The following SCMH1 variants were observed in gnomAD, a reference collection of about 807,000 sequenced individuals.
SCMH1 encodes Scm polycomb group protein homolog 1, also known as polycomb protein SCMH1.
A neutral mutation model predicts 70.8 loss-of-function variants in SCMH1; 37 were observed. The observed-to-expected ratio is 0.52, with a 90% CI of 0.40 to 0.69. The LOEUF (loss-of-function observed/expected upper bound fraction) is 0.69. SCMH1 is among the 30% of genes least tolerant of loss of function. SCMH1 has a pLI of 0.00. For missense variants in SCMH1, 607 were observed against 827.3 expected (o/e 0.73, Z 3.27); for synonymous variants, 292 against 307.4 (o/e 0.95, Z 0.52).
chr1:41,127,862 C>A (rs1673619952), intron 6 of SCMH1, among the ~76,000 whole-genome samples: 1 of 152,042 alleles, frequency 6.6e-6, no homozygotes, highest in Non-Finnish European at 1.5e-5. Flanking sequence ...TGTCTGCAAG[C>A]AAGAAGAGGA....
intron 8 of SCMH1, among the ~76,000 whole-genome samples, chr1:41,085,769 G>A (rs2749419): frequency 0.85 from 128,480 of 151,108 alleles, 55,095 homozygotes; most frequent in East Asian, 0.96. Context: ...TCTTATATTG[G>A]TTACATATTG....
At chr1:41,218,504 C>T (rs1265072494) in intron 1 of SCMH1, among the ~76,000 whole-genome samples, 1 of 152,028 alleles carries the variant, frequency 6.6e-6, no homozygotes, top group Non-Finnish European at 1.5e-5. Flanking sequence ...TAGGAAAAGG[C>T]AAGAAAAGAT....
chr1:41,082,063 G>A (rs1007618283), intron 8 of SCMH1, among the ~76,000 whole-genome samples: 1 of 152,070 alleles, frequency 6.6e-6, no homozygotes, highest in Non-Finnish European at 1.5e-5. Flanking sequence ...TTAATGTGAA[G>A]GCTAAAACAT....
At chr1:41,127,028 C>T (rs1673356201) in intron 6 of SCMH1, among the ~76,000 whole-genome samples, 1 of 152,092 alleles carries the variant, frequency 6.6e-6, no homozygotes, top group African/African-American at 2.4e-5. Context: ...CACAGCCTTG[C>T]TGTCTCCTCA....
At chr1:41,050,316 C>T (rs974565951) in intron 10 of SCMH1, among the ~76,000 whole-genome samples, 2 of 152,146 alleles carry the variant, frequency 1.3e-5, no homozygotes, top group Non-Finnish European at 2.9e-5. Context: ...TTGTGGCTCA[C>T]TAGCTGAAGG....
intron 13 of SCMH1, among the ~76,000 whole-genome samples, chr1:41,029,254 A>C (rs1212969245): frequency 2.6e-5 from 4 of 152,208 alleles, no homozygotes; most frequent in Non-Finnish European, 5.9e-5. Context: ...TCTGTCACCC[A>C]GGGGCTGGAG....
intron 2 of SCMH1, among the ~76,000 whole-genome samples, chr1:41,182,490 G>A (rs987175065): frequency 6.6e-6 from 1 of 152,208 alleles, no homozygotes; most frequent in Non-Finnish European, 1.5e-5. Context: ...GCCAAGGCAG[G>A]AAGATTCATT....
At chr1:41,149,186 C>T (rs1190499271) in intron 5 of SCMH1, among the ~76,000 whole-genome samples, 1 of 152,144 alleles carries the variant, frequency 6.6e-6, no homozygotes, top group Admixed American at 6.5e-5. Context: ...AATTACACGT[C>T]TATTTGGTCA....
chr1:41,239,856 G>C (rs148241666), intron 1 of SCMH1, among the ~76,000 whole-genome samples: 2 of 152,282 alleles, frequency 1.3e-5, no homozygotes, highest in African/African-American at 4.8e-5. Flanking sequence ...GGCTGGTCCA[G>C]AACTCCTGGC....
At chr1:41,153,169 C>T (rs1376835416) in intron 4 of SCMH1, among the ~76,000 whole-genome samples, 1 of 152,088 alleles carries the variant, frequency 6.6e-6, no homozygotes, top group Admixed American at 6.5e-5. Context: ...TTTGGATTTC[C>T]CTGGATTGAG....
intron 1 of SCMH1, among the ~76,000 whole-genome samples, chr1:41,189,147 T>C (rs1296553376): frequency 2.6e-5 from 4 of 152,172 alleles, no homozygotes; most frequent in African/African-American, 9.7e-5. Context: ...TTTTTTTTGT[T>C]GTTGTTGTTA....
intron 2 of SCMH1, among the ~76,000 whole-genome samples, chr1:41,173,494 A>T (rs1229996161): frequency 6.6e-6 from 1 of 152,094 alleles, no homozygotes; most frequent in Non-Finnish European, 1.5e-5. Flanking sequence ...AGAAAGGAGA[A>T]CTCTTATTCA....
intron 7 of SCMH1, among the ~76,000 whole-genome samples, chr1:41,115,172 T>C (rs369423650): frequency 3.9e-5 from 6 of 152,368 alleles, no homozygotes; most frequent in South Asian, 2.1e-4. Context: ...TTTTTAAAAA[T>C]TGACCAACTT....
chr1:41,192,684 G>C (rs2148673143), intron 1 of SCMH1, among the ~76,000 whole-genome samples: 1 of 152,216 alleles, frequency 6.6e-6, no homozygotes, highest in Non-Finnish European at 1.5e-5. Flanking sequence ...TTAGATTTGT[G>C]TTCCCTCTTT....
intron 1 of SCMH1, among the ~76,000 whole-genome samples, chr1:41,229,740 TAA>T (rs900990472): frequency 6.7e-6 from 1 of 149,272 alleles, no homozygotes; most frequent in Non-Finnish European, 1.5e-5. Flanking sequence ...AAAGTATAAT[TAA>T]AAAAAAAATA....
intron 8 of SCMH1, among the ~76,000 whole-genome samples, chr1:41,106,979 C>T (rs982408192): frequency 6.6e-5 from 10 of 151,816 alleles, no homozygotes; most frequent in Middle Eastern, 3.2e-3. Flanking sequence ...TGAGCCACCA[C>T]GCCCGGCCTT....
chr1:41,190,459 T>C (rs1651421960), intron 1 of SCMH1, among the ~76,000 whole-genome samples: 1 of 152,188 alleles, frequency 6.6e-6, no homozygotes, highest in African/African-American at 2.4e-5. Context: ...GGATAAGCTC[T>C]CTGGGAAGGA....
intron 8 of SCMH1, among the ~76,000 whole-genome samples, chr1:41,097,370 C>T (rs1251729465): frequency 5.9e-5 from 9 of 152,212 alleles, no homozygotes; most frequent in Non-Finnish European, 8.8e-5. Context: ...TCTTAGTCTG[C>T]TTCTAGTTTT....
chr1:41,029,725 A>G (rs867301678), intron 13 of SCMH1, among the ~76,000 whole-genome samples: 1 of 152,054 alleles, frequency 6.6e-6, no homozygotes, highest in Admixed American at 6.6e-5. Context: ...TCTTTGGGCA[A>G]ACTTCAACTT....
Sources: gnomAD v4.1 joint callset for allele counts (sites outside exome capture counted in the v4.1 genomes callset) on GRCh38, gnomAD v4.1.1 for gene constraint, MANE v1.5 for transcripts, NCBI Gene and HGNC (gene_info 2026-07-23, HGNC 2026-07-21) for gene names.